ZNF227: variants seen among roughly 807,000 people sequenced by gnomAD.
The protein encoded by ZNF227 is zinc finger protein 227.
In ZNF227, 12 loss-of-function variants were observed where a neutral mutation model predicts 13.2. That is an observed-to-expected ratio of 0.91 (90% CI 0.58 to 1.47). The LOEUF (loss-of-function observed/expected upper bound fraction) is 1.47. ZNF227 is among the 40% of genes most tolerant of loss of function. The pLI is 0.00. For missense variants in ZNF227, 885 were observed against 967.5 expected, an observed-to-expected ratio of 0.91 and a Z score of 1.13; for synonymous variants, 338 against 326.0, an observed-to-expected ratio of 1.04 and a Z score of -0.40.
upstream of ZNF227, among the ~76,000 whole-genome samples, chr19:44,209,491 G>A (rs1175252451): frequency 6.6e-6 from 1 of 152,146 alleles, no homozygotes; most frequent in Non-Finnish European, 1.5e-5. Flanking sequence ...AAAGGAGAGG[G>A]AATCATTGAG....
chr19:44,214,920 G>T (rs1470774112), intron 2 of ZNF227, among the ~76,000 whole-genome samples: 2 of 151,940 alleles, frequency 1.3e-5, no homozygotes, highest in African/African-American at 4.8e-5. Context: ...GGTACCGCCT[G>T]AGCTCTGCCT....
intron 4 of ZNF227, 114 bp downstream of exon 4, chr19:44,228,686 G>T: frequency 8.0e-7 from 1 of 1,256,192 alleles, no homozygotes. Flanking sequence ...GAAGACAAAA[G>T]GTTTTCTAAT....
Position 44,236,697 on chromosome 19 carries a change from G to T in ZNF227, c.2267G>T (p.Ser756Ile), listed in dbSNP as rs951495569. Residue 756 changes from serine to isoleucine, a missense_variant, in exon 6 of 6, where the codon AGT becomes ATT. Ser to Ile is a moderately radical substitution (Grantham distance 142). Transcript: ENST00000313040. ...GAGTGTGGTAAAGGCTTCAGTCAGAGTGCACGTCTTGAAGCCCATCAGAGA... is the reference window on the plus strand; with the variant it reads ...GAGTGTGGTAAAGGCTTCAGTCAGATTGCACGTCTTGAAGCCCATCAGAGA... ...CEECGKGFSQ[S>I]ARLEAHQRVH... is the part of the protein sequence containing the mutation. 1.2e-6 allele frequency: 2 copies of T among 1,612,226 alleles called. No individual in the cohort carries two copies. The highest frequency in any genetic ancestry group is 1.3e-5 in the African/African-American group (1 of 74,540).
intron 5 of ZNF227, among the ~76,000 whole-genome samples, chr19:44,230,120 G>C (rs977457093): frequency 2.0e-5 from 3 of 151,880 alleles, no homozygotes; most frequent in African/African-American, 7.3e-5. Flanking sequence ...ATTTCAAGTG[G>C]TCCTCCCACC....
rs747097491 is a variant in ZNF227, at chr19:44,235,302, A to G, written c.872A>G (p.His291Arg). Residue 291 changes from histidine to arginine, a missense_variant, in exon 6 of 6, where the codon CAC (histidine) becomes CGC (arginine). By Grantham distance (29) the His-to-Arg change is conservative (BLOSUM62 0). Transcript: ENST00000313040. Reference protein sequence around the residue: ...SSHLRTHQRIHPGEKLNRCHE... With the variant: ...SSHLRTHQRIRPGEKLNRCHE... Reference sequence around the variant, plus strand: ...CATCTGCGAACTCATCAGAGAATTCACCCAGGAGAGAAACTCAATAGATGT... The same window carrying G: ...CATCTGCGAACTCATCAGAGAATTCGCCCAGGAGAGAAACTCAATAGATGT... 5.6e-6 allele frequency: 9 copies of G among 1,614,194 alleles called. No individual in the cohort carries two copies. In the South Asian group the frequency reaches 9.9e-5, roughly 18 times the overall value.
intron 2 of ZNF227, among the ~76,000 whole-genome samples, chr19:44,214,184 T>C (rs1288323801): frequency 6.6e-6 from 1 of 152,224 alleles, no homozygotes; most frequent in Non-Finnish European, 1.5e-5. Flanking sequence ...CTAGAAAATT[T>C]AAAATTATTT....
chr19:44,236,124 T>C lies in ZNF227; in HGVS notation c.1694T>C (p.Leu565Pro). 1.2e-6 allele frequency: 2 copies of C among 1,613,936 alleles called. No homozygotes were observed. Among genetic ancestry groups the C allele is most frequent in the Non-Finnish European group, 8.5e-7 (1 of 1,179,958 alleles). ...TTCAGTTATAGTTCAAATCTTAAAC[T>C]ACACCAAGTAATTCACACTGGAGAA... ...KDFSYSSNLK[L>P]HQVIHTGEKP... is the part of the protein sequence containing the mutation. Residue 565 changes from leucine to proline, a missense_variant, in exon 6 of 6, where the codon CTA becomes CCA. Coordinates refer to ENST00000313040, the MANE Select transcript of ZNF227 (RefSeq NM_182490.3).
rs754687763 is a variant in ZNF227 at position 44,235,737 on chromosome 19, A to G, written c.1307A>G (p.Tyr436Cys). Residue 436 changes from tyrosine (Y) to cysteine (C), a missense_variant, in exon 6 of 6, where the codon TAC becomes TGC. Physicochemically the swap from Tyr to Cys is radical, Grantham distance 194 (BLOSUM62 -2). Transcript: ENST00000313040. ...AGAGTCCACACTGGAGAGAAACCCT[A>G]CAAGTGTGATGTGTGTGGTAAGGGC... is the stretch of plus-strand genomic sequence containing the variant. ...HQRVHTGEKP[Y>C]KCDVCGKGFS... 4.3e-6 allele frequency: 7 copies of G among 1,614,080 alleles called. No individual in the cohort carries two copies. The highest frequency in any genetic ancestry group is 2.2e-5 in the East Asian group (1 of 44,866).
In ZNF227 at chr19:44,236,048, C is replaced by T. The variant is rs1299282863; in HGVS notation, c.1618C>T (p.Arg540Ter). ...GTCCTCAAAGCTTCAAACCCATCAG[C>T]GAGTCCACACTGGAGAGAAACCATA... ...SQSSKLQTHQ[R>*]VHTGEKPYRC... The change falls in exon 6 of 6, where the codon CGA (arginine) becomes TGA (stop). Residue 540 changes from arginine (R) to a stop codon, truncating the protein, a stop_gained. Coordinates refer to ENST00000313040, the MANE Select transcript of ZNF227 (RefSeq NM_182490.3). LOFTEE classifies it low-confidence loss of function (END_TRUNC). 2.5e-6 allele frequency: 4 copies of T among 1,586,682 alleles called. No homozygotes were observed. The highest frequency in any genetic ancestry group is 1.7e-4 in the Middle Eastern group (1 of 5,904).
At chr19:44,222,829 CCT>C (rs906943749) in intron 3 of ZNF227, among the ~76,000 whole-genome samples, 266 of 151,964 alleles carry the variant, frequency 1.8e-3, no homozygotes, top group African/African-American at 6.0e-3. Flanking sequence ...AGAGGGCACC[CCT>C]GTCTTGTGCC....
At chr19:44,210,041 C>G (rs1428288983), upstream of ZNF227, among the ~76,000 whole-genome samples, 2 of 152,188 alleles carry the variant, frequency 1.3e-5, no homozygotes, top group Non-Finnish European at 2.9e-5. Context: ...TGCCCAGTAT[C>G]TTGAAATGGA....
At chr19:44,226,084 T>C (rs1335688635) in intron 3 of ZNF227, among the ~76,000 whole-genome samples, 1 of 152,210 alleles carries the variant, frequency 6.6e-6, no homozygotes, top group Non-Finnish European at 1.5e-5. Flanking sequence ...CAGCGGTGGC[T>C]GTAGAACAGC....
Position 44,226,911 on chromosome 19 carries a change from T to C in ZNF227, c.61-1535T>C, listed in dbSNP as rs537114001. On this transcript the variant is annotated intron_variant, in intron 3 of 5. Coordinates refer to ENST00000313040, the MANE Select transcript of ZNF227 (RefSeq NM_182490.3). Reference sequence around the variant, plus strand: ...GACCGGAGCTGTTCCTATTCAGCCATCTTGGCTCCACCCCTCAAAACTTTT... The same window carrying C: ...GACCGGAGCTGTTCCTATTCAGCCACCTTGGCTCCACCCCTCAAAACTTTT... Among the ~76,000 whole-genome samples, 7 of 152,348 alleles carry C rather than the reference T, an allele frequency of 4.6e-5. No individual in the cohort carries two copies. In the East Asian group the frequency reaches 1.4e-3, roughly 29 times the overall value.
Position 44,236,853 on chromosome 19 carries a change from T to A in ZNF227, c.*23T>A. On this transcript the variant is annotated 3_prime_UTR_variant, in exon 6 of 6. Coordinates refer to ENST00000313040, the MANE Select transcript of ZNF227 (RefSeq NM_182490.3). Reference sequence around the variant, plus strand: ...TAGAAATGAGAAATGTGTTACCAACTTTTGTCTGAATGCACATCTTCAAGT... The same window carrying A: ...TAGAAATGAGAAATGTGTTACCAACATTTGTCTGAATGCACATCTTCAAGT... 1 of 1,533,734 alleles carries A rather than the reference T, an allele frequency of 6.5e-7. No homozygotes were observed. Among genetic ancestry groups the A allele is most frequent in the Non-Finnish European group, 8.8e-7 (1 of 1,142,462 alleles).
chr19:44,215,476 CTG>C (rs1491495600), intron 2 of ZNF227, among the ~76,000 whole-genome samples: 2 of 143,684 alleles, frequency 1.4e-5, no homozygotes, highest in Non-Finnish European at 3.0e-5. Flanking sequence ...TTAGTGCAGT[CTG>C]GGATAATTTG....
chr19:44,219,885 T>A (rs1156639579), intron 3 of ZNF227, among the ~76,000 whole-genome samples: 1 of 152,016 alleles, frequency 6.6e-6, no homozygotes, highest in Non-Finnish European at 1.5e-5. Context: ...ACCCATTAAC[T>A]CGTCATTTAG....
At chr19:44,232,285 T>G (rs1973912390) in intron 5 of ZNF227, among the ~76,000 whole-genome samples, 1 of 152,228 alleles carries the variant, frequency 6.6e-6, no homozygotes, top group Non-Finnish European at 1.5e-5. Context: ...ACACCTGAAG[T>G]TAGGCCGGAC....
At chr19:44,223,649 C>A (rs1364147689) in intron 3 of ZNF227, among the ~76,000 whole-genome samples, 2 of 152,116 alleles carry the variant, frequency 1.3e-5, no homozygotes, top group African/African-American at 4.8e-5. Flanking sequence ...TTTGATTCTT[C>A]TCTCTTTTTT....
At position 44,234,758 on chromosome 19, in the gene ZNF227, T is replaced by A; in HGVS notation, c.328T>A (p.Ser110Thr). Residue 110 changes from serine (S) to threonine (T), a missense_variant, in exon 6 of 6, where the codon TCA (serine) becomes ACA (threonine). By Grantham distance (58) the Ser-to-Thr change is moderately conservative. Transcript: ENST00000313040. ...TLQKFALKYL[S>T]NQELSCWQIW... ...CCAAAAATTTGCATTAAAATACCTT[T>A]CAAATCAAGAGCTGTCCTGCTGGCA... The A allele has an allele frequency of 6.2e-7, 1 of 1,607,852 alleles. No homozygotes were observed. The highest frequency in any genetic ancestry group is 8.5e-7 in the Non-Finnish European group (1 of 1,178,550).
Sources: gnomAD v4.1 joint callset for allele counts (sites outside exome capture counted in the v4.1 genomes callset) on GRCh38, gnomAD v4.1.1 for gene constraint, MANE v1.5 for transcripts, NCBI Gene and HGNC (gene_info 2026-07-23, HGNC 2026-07-21) for gene names.